JADE1: variants seen among roughly 807,000 people sequenced by gnomAD.
JADE1 encodes the protein jade family PHD finger 1.
Under a neutral mutation model 81.8 loss-of-function variants are expected in JADE1, and 14 were observed. That is an observed-to-expected ratio of 0.17 (90% CI 0.11 to 0.27). The LOEUF is 0.27. Among genes scored for constraint, JADE1 ranks in the 10% least tolerant of loss-of-function variants. The probability of loss-of-function intolerance (pLI) is 1.00; values close to 1 mark genes in which losing one functional copy is unlikely to be tolerated. For missense variants in JADE1, 690 were observed against 1,047.9 expected, an observed-to-expected ratio of 0.66 and a Z score of 4.71; for synonymous variants, 353 against 391.9, an observed-to-expected ratio of 0.90 and a Z score of 1.17.
chr4:128,810,446 A>G (rs975263987), intron 1 of JADE1: 1 of 121,486 alleles, frequency 8.2e-6, no homozygotes, highest in South Asian at 2.8e-4. Context: ...GCTTTAGTTT[A>G]TAGGTTTTTT....
At chr4:128,824,050 C>CT (rs1727815997) in intron 1 of JADE1, among the ~76,000 whole-genome samples, 1 of 152,068 alleles carries the variant, frequency 6.6e-6, no homozygotes, top group Non-Finnish European at 1.5e-5. Flanking sequence ...GGGGAGTATT[C>CT]TATGTTCAGT....
chr4:128,848,306 G>T (rs1730046978), intron 4 of JADE1, among the ~76,000 whole-genome samples: 1 of 152,184 alleles, frequency 6.6e-6, no homozygotes, highest in Non-Finnish European at 1.5e-5. Flanking sequence ...AGCCTCCCGA[G>T]TAGCTGGGGT....
chr4:128,869,751 C>T (rs569341377), intron 10 of JADE1, among the ~76,000 whole-genome samples: 7 of 152,208 alleles, frequency 4.6e-5, no homozygotes, highest in Non-Finnish European at 1.0e-4. Flanking sequence ...ATCTTCCTTT[C>T]ATTCTGATGT....
At chr4:128,834,205 TTTG>T (rs1233485834) in intron 2 of JADE1, among the ~76,000 whole-genome samples, 2 of 152,134 alleles carry the variant, frequency 1.3e-5, no homozygotes, top group African/African-American at 4.8e-5. Flanking sequence ...GCTACAGAAA[TTTG>T]TTTTCTCACA....
rs1445563125 is a variant in JADE1 at position 128,848,902 on chromosome 4, A to G, written c.297-78A>G. 3 of 1,406,592 alleles carry G rather than the reference A, an allele frequency of 2.1e-6. No homozygotes were observed. In the African/African-American group the frequency reaches 4.3e-5, roughly 20 times the overall value. 87.1% of individuals were successfully genotyped at this position (1,406,592 alleles called of 1,614,324 possible). A position where few individuals can be genotyped will look rare whatever the true frequency, so the allele number is the denominator to read the frequency against. ...GGGCTCTAAGGGTTGGAAGAGGAAGACATTTGGGGCCTTGTGGCACACTTC... is the reference window on the plus strand; with the variant it reads ...GGGCTCTAAGGGTTGGAAGAGGAAGGCATTTGGGGCCTTGTGGCACACTTC... On this transcript the variant is annotated intron_variant, in intron 4 of 10. Transcript: ENST00000226319.
rs548037878 is a variant in JADE1 at position 128,846,126 on chromosome 4, T to A, written c.139-249T>A. Reference sequence around the variant, plus strand: ...GGACAACAAGATTTTTTGTTGTTTTTGTTGACGTTGTTGTGGACACTATGG... The same window carrying A: ...GGACAACAAGATTTTTTGTTGTTTTAGTTGACGTTGTTGTGGACACTATGG... On this transcript the variant is annotated intron_variant, in intron 3 of 10. Coordinates refer to ENST00000226319, the MANE Select transcript of JADE1 (RefSeq NM_199320.4). This position sits in a 1 kb window ranked among gnomAD's most constrained non-coding sequence, Gnocchi z 4.0. 6.6e-6 allele frequency among the ~76,000 whole-genome samples: 1 copy of A among 152,234 alleles called. No individual in the cohort carries two copies. The highest frequency in any genetic ancestry group is 2.1e-4 in the South Asian group (1 of 4,824).
At chr4:128,830,939 G>C (rs1243842597) in intron 1 of JADE1, among the ~76,000 whole-genome samples, 1 of 152,138 alleles carries the variant, frequency 6.6e-6, no homozygotes, top group African/African-American at 2.4e-5. Context: ...GGTGCGCTGG[G>C]TCTTTGTACA....
At chr4:128,843,334 T>C (rs184116881) in intron 3 of JADE1, among the ~76,000 whole-genome samples, 20 of 152,354 alleles carry the variant, frequency 1.3e-4, no homozygotes, top group Admixed American at 1.2e-3. Context: ...TCCTTTCTTG[T>C]TGCATCTTCG....
In JADE1 at chr4:128,854,940, T is replaced by G. The variant is rs76476236; in HGVS notation, c.697-690T>G. Among the ~76,000 whole-genome samples, 885 of 152,350 alleles carry G rather than the reference T, an allele frequency of 5.8e-3. 12 individuals carry two copies. Among genetic ancestry groups the G allele is most frequent in the African/African-American group, 0.02 (811 of 41,578 alleles). ...ATTTTTTAATTTAAATTGTTTTTTT[T>G]GTCTCCATTTCTGAAAGGCTGAATT... On this transcript the variant is annotated intron_variant, in intron 6 of 10. Transcript: ENST00000226319.
At chr4:128,848,269 C>G (rs1474740188) in intron 4 of JADE1, among the ~76,000 whole-genome samples, 1 of 152,162 alleles carries the variant, frequency 6.6e-6, no homozygotes, top group East Asian at 1.9e-4. Context: ...ACCTCCGCCT[C>G]CTGGGTTCAA....
rs142290567 is a variant in JADE1 at position 128,860,395 on chromosome 4, T to C, written c.982-1309T>C. ...CTCATAGTAATGGAAGAAAGCCTGGTTGGCAGTGAGTTTCCTCTTAAATAC... is the reference window on the plus strand; with the variant it reads ...CTCATAGTAATGGAAGAAAGCCTGGCTGGCAGTGAGTTTCCTCTTAAATAC... On this transcript the variant is annotated intron_variant, in intron 8 of 10. Coordinates refer to ENST00000226319, the MANE Select transcript of JADE1 (RefSeq NM_199320.4). Among the ~76,000 whole-genome samples the C allele has an allele frequency of 1.4e-4, 21 of 152,322 alleles. No individual in the cohort carries two copies. The East Asian group carries it at 4.0e-3, about 29-fold the overall frequency.
At chr4:128,826,532 G>GTTT (rs567412444) in intron 1 of JADE1, among the ~76,000 whole-genome samples, 1 of 127,362 alleles carries the variant, frequency 7.9e-6, no homozygotes, top group African/African-American at 2.9e-5. Flanking sequence ...TAATTTTTGT[G>GTTT]TTTTTTTTTT....
intron 8 of JADE1, among the ~76,000 whole-genome samples, chr4:128,857,749 C>T (rs573878120): frequency 1.3e-5 from 2 of 152,292 alleles, no homozygotes; most frequent in African/African-American, 4.8e-5. Flanking sequence ...AGTCTAGCAT[C>T]GCAACTTCTT....
intron 5 of JADE1, among the ~76,000 whole-genome samples, chr4:128,851,209 C>T (rs1255147030): frequency 2.6e-5 from 4 of 152,212 alleles, no homozygotes; most frequent in Non-Finnish European, 1.5e-5. Flanking sequence ...CATGAGCCAT[C>T]GCGCCTGGTG....
At chr4:128,848,542 G>T (rs1730072414) in intron 4 of JADE1, among the ~76,000 whole-genome samples, 1 of 152,134 alleles carries the variant, frequency 6.6e-6, no homozygotes, top group African/African-American at 2.4e-5. Flanking sequence ...GGGTTGGCGG[G>T]TTTCTCCCTC....
At chr4:128,811,970 C>G (rs62317870) in intron 1 of JADE1, 1 of 151,940 alleles carries the variant, frequency 6.6e-6, no homozygotes, top group African/African-American at 2.4e-5. Context: ...CGCCCCAGCC[C>G]GAAGGTGCCG....
At chr4:128,867,127 C>A (rs949005988) in intron 9 of JADE1, among the ~76,000 whole-genome samples, 4 of 152,134 alleles carry the variant, frequency 2.6e-5, no homozygotes, top group African/African-American at 9.7e-5. Flanking sequence ...CGGGAGAGGG[C>A]AATACCAGTT....
Position 128,861,813 on chromosome 4 carries a change from A to G in JADE1, c.1091A>G (p.Tyr364Cys), listed in dbSNP as rs1369106268. Residue 364 changes from tyrosine to cysteine, a missense_variant, in exon 9 of 11, where the codon TAT (tyrosine) becomes TGT (cysteine). Transcript: ENST00000226319. ...AATGATGAAGTCAAGTTCAAGTCCT[A>G]TTGCCCAAAGCACAGCTCACATAGG... is the stretch of plus-strand genomic sequence containing the variant. ...AENDEVKFKSYCPKHSSHRKP... is the reference protein window; with the variant it reads ...AENDEVKFKSCCPKHSSHRKP... 6 of 1,614,064 alleles carry G rather than the reference A, an allele frequency of 3.7e-6. No homozygotes were observed. The highest frequency in any genetic ancestry group is 4.2e-6 in the Non-Finnish European group (5 of 1,180,034).
rs1422662441 is a variant in JADE1, at chr4:128,871,606, G to A, written c.1873G>A (p.Val625Met). The A allele has an allele frequency of 3.7e-6, 6 of 1,614,076 alleles. No homozygotes were observed. The highest frequency in any genetic ancestry group is 4.2e-6 in the Non-Finnish European group (5 of 1,180,036). Residue 625 changes from valine to methionine, a missense_variant, in exon 11 of 11, where the codon GTG becomes ATG. This residue lies in a region of JADE1 where 218 missense variants were observed against 274.3 expected (regional missense o/e 0.79). Transcript: ENST00000226319. The surrounding 1 kb of genome is among the most constrained non-coding windows in gnomAD (Gnocchi z 4.1). The stretch of plus-strand genomic sequence containing the variant: ...CCTGTGTGGTAGAAGGGAGGGGATG[G>A]TGGTCCCAGAGAGCTTTTTGGGTTT... Reference protein sequence around the residue: ...PDLCGRREGMVVPESFLGLEK... With the variant: ...PDLCGRREGMMVPESFLGLEK...
Sources: allele counts gnomAD v4.1 joint callset (sites outside exome capture counted in the v4.1 genomes callset), GRCh38; gene constraint gnomAD v4.1.1; regional missense constraint gnomAD v4.1.1; non-coding constraint Gnocchi (gnomAD v3.1); transcripts MANE v1.5; gene names NCBI Gene and HGNC (gene_info 2026-07-23, HGNC 2026-07-21).